The following GNAQ variants were observed in gnomAD, a reference collection of about 807,000 sequenced individuals.
GNAQ encodes G protein subunit alpha q.
GNAQ carries 8 observed loss-of-function variants against 43.9 expected under a neutral mutation model. That is an observed-to-expected ratio of 0.18 (90% CI 0.11 to 0.33). The LOEUF is 0.33. Ranked by LOEUF, GNAQ falls within the 10% of genes least tolerant of loss-of-function variation. The probability of loss-of-function intolerance (pLI) is 1.00; values close to 1 mark genes in which losing one functional copy is unlikely to be tolerated. For synonymous variants in GNAQ, 155 were observed against 170.7 expected (o/e 0.91, Z 0.71); for missense variants, 158 against 450.8 (o/e 0.35, Z 5.88).
intron 3 of GNAQ, among the ~76,000 whole-genome samples, chr9:77,799,592 C>A (rs1042736734): frequency 6.6e-6 from 1 of 152,038 alleles, no homozygotes; most frequent in African/African-American, 2.4e-5. Context: ...AAATTTGAAA[C>A]TGAATGTAAA....
intron 5 of GNAQ, among the ~76,000 whole-genome samples, chr9:77,761,281 T>C (rs1587903478): frequency 1.1e-5 from 1 of 87,470 alleles, no homozygotes; most frequent in African/African-American, 4.3e-5. Flanking sequence ...GGTGGGGGGG[T>C]CAGCCCCCCG....
intron 5 of GNAQ, among the ~76,000 whole-genome samples, chr9:77,735,010 T>C (rs1203582923): frequency 6.6e-6 from 1 of 152,178 alleles, no homozygotes; most frequent in Non-Finnish European, 1.5e-5. Flanking sequence ...CAGGGCCTCA[T>C]TCCATACACT....
At chr9:77,975,967 G>A (rs369543817) in intron 1 of GNAQ, among the ~76,000 whole-genome samples, 4 of 152,102 alleles carry the variant, frequency 2.6e-5, no homozygotes, top group African/African-American at 4.8e-5. Context: ...TCCTGGCATC[G>A]GGAAGAGCCA....
chr9:77,990,864 T>G (rs1823499010), intron 1 of GNAQ, among the ~76,000 whole-genome samples: 1 of 152,206 alleles, frequency 6.6e-6, no homozygotes, highest in Non-Finnish European at 1.5e-5. Flanking sequence ...TTGCCTGCCC[T>G]CTCATACACA....
At chr9:78,031,010 G>C (rs1047213469) in intron 1 of GNAQ, 90 bp downstream of exon 1, 328 of 975,314 alleles carry the variant, frequency 3.4e-4, no homozygotes, top group Non-Finnish European at 4.1e-4. Flanking sequence ...GGGCGCCGGG[G>C]GGCGGGGGCG....
intron 5 of GNAQ, among the ~76,000 whole-genome samples, chr9:77,755,370 T>C (rs994596105): frequency 5.9e-5 from 9 of 152,164 alleles, no homozygotes; most frequent in African/African-American, 1.9e-4. Context: ...AAAGGTATAA[T>C]TGGAATCTTT....
At chr9:77,993,188 AC>A (rs1383952542) in intron 1 of GNAQ, among the ~76,000 whole-genome samples, 5 of 152,172 alleles carry the variant, frequency 3.3e-5, no homozygotes, top group African/African-American at 9.6e-5. Context: ...CTAAACCACA[AC>A]ATTTATGGTA....
chr9:77,722,415 G>A (rs1422051837), intron 6 of GNAQ, among the ~76,000 whole-genome samples: 1 of 152,104 alleles, frequency 6.6e-6, no homozygotes, highest in Non-Finnish European at 1.5e-5. Context: ...GGGATTACAG[G>A]TGTGAGCCAC....
In GNAQ at chr9:77,891,934, A is replaced by G. The variant is rs963829019; in HGVS notation, c.321+30227T>C. ...TTGAAGCCAGGTCATCGCCCCAGGC[A>G]TGAAACAAGATGAGAAATAAGCCTT... On this transcript the variant is annotated intron_variant, in intron 2 of 6. Transcript: ENST00000286548. 3.3e-5 allele frequency among the ~76,000 whole-genome samples: 5 copies of G among 152,332 alleles called. No homozygotes were observed. The East Asian group carries it at 9.6e-4, about 29-fold the overall frequency.
intron 1 of GNAQ, among the ~76,000 whole-genome samples, chr9:77,984,176 C>CTT (rs563210374): frequency 0.14 from 19,138 of 136,850 alleles, 1,587 homozygotes; most frequent in East Asian, 0.35. Context: ...TTTTGCTTTT[C>CTT]TTTTTTTTTT....
chr9:77,888,798 A>T (rs1385966377), intron 2 of GNAQ, among the ~76,000 whole-genome samples: 1 of 152,134 alleles, frequency 6.6e-6, no homozygotes, highest in East Asian at 1.9e-4. Flanking sequence ...GAGCCTCTGG[A>T]TTATTCACTA....
intron 5 of GNAQ, among the ~76,000 whole-genome samples, chr9:77,733,215 T>A (rs1450326744): frequency 6.6e-6 from 1 of 152,190 alleles, no homozygotes; most frequent in Admixed American, 6.5e-5. Flanking sequence ...CCTGACCAGT[T>A]ATCTGTGAAA....
At chr9:77,756,620 C>A (rs1210416060) in intron 5 of GNAQ, among the ~76,000 whole-genome samples, 1 of 152,206 alleles carries the variant, frequency 6.6e-6, no homozygotes, top group Non-Finnish European at 1.5e-5. Flanking sequence ...CCATGAGGGG[C>A]AGAGTTGCTC....
chr9:77,820,429 T>C (rs1827094904), intron 2 of GNAQ, among the ~76,000 whole-genome samples: 1 of 152,196 alleles, frequency 6.6e-6, no homozygotes, highest in South Asian at 2.1e-4. Context: ...ACTGCATAAA[T>C]GACAAAGAAC....
chr9:77,859,780 C>T (rs1414641556), intron 2 of GNAQ, among the ~76,000 whole-genome samples: 2 of 152,154 alleles, frequency 1.3e-5, no homozygotes, highest in South Asian at 2.1e-4. Flanking sequence ...ATCAGCCATA[C>T]AGAATGCAGT....
At chr9:77,822,237 C>T (rs1827129700) in intron 2 of GNAQ, among the ~76,000 whole-genome samples, 1 of 152,092 alleles carries the variant, frequency 6.6e-6, no homozygotes, top group South Asian at 2.1e-4. Context: ...TGAATTAAAT[C>T]ATGTTTTGAA....
chr9:78,018,928 T>C (rs1218338581), intron 1 of GNAQ, among the ~76,000 whole-genome samples: 1 of 152,180 alleles, frequency 6.6e-6, no homozygotes, highest in African/African-American at 2.4e-5. Flanking sequence ...TAGCAATTCA[T>C]AGGTAGACTC....
In GNAQ at chr9:77,721,220, T is replaced by C; in HGVS notation, c.*103A>G. ...GCTCACACAGAGTCCAGGACGGCAA[T>C]AAATTAGTATTATGCAAATTGTTTT... On this transcript the variant is annotated 3_prime_UTR_variant, in exon 7 of 7. Coordinates refer to ENST00000286548, the MANE Select transcript of GNAQ (RefSeq NM_002072.5). 1.4e-6 allele frequency: 1 copy of C among 696,452 alleles called. No individual in the cohort carries two copies. The highest frequency in any genetic ancestry group is 2.5e-6 in the Non-Finnish European group (1 of 406,164). The allele number at this position is 696,452 out of a possible 1,614,324, so 43.1% of individuals were successfully genotyped here.
intron 6 of GNAQ, among the ~76,000 whole-genome samples, chr9:77,725,622 A>G (rs1825386621): frequency 6.6e-6 from 1 of 150,790 alleles, no homozygotes; most frequent in South Asian, 2.1e-4. Context: ...AGATTTCAGA[A>G]TATTCACAAT....
Sources: allele counts gnomAD v4.1 joint callset (sites outside exome capture counted in the v4.1 genomes callset), GRCh38; gene constraint gnomAD v4.1.1; transcripts MANE v1.5; gene names NCBI Gene and HGNC (gene_info 2026-07-23, HGNC 2026-07-21).